Variants in CDH18 observed in about 807,000 individuals in gnomAD.
CDH18 encodes cadherin 18.
CDH18 carries 31 observed loss-of-function variants against 67.9 expected under a neutral mutation model. The observed-to-expected ratio is 0.46, with a 90% CI of 0.34 to 0.62. The LOEUF (loss-of-function observed/expected upper bound fraction) is 0.62, where lower values mean the gene tolerates loss of function less well. Ranked by LOEUF, CDH18 falls within the 20% of genes least tolerant of loss-of-function variation. CDH18 has a pLI of 0.01. For synonymous variants in CDH18, 362 were observed against 347.2 expected, an observed-to-expected ratio of 1.04 and a Z score of -0.48; for missense variants, 890 against 975.5, an observed-to-expected ratio of 0.91 and a Z score of 1.17.
chr5:19,669,017 A>G (rs981933725), intron 5 of CDH18, among the ~76,000 whole-genome samples: 15 of 150,194 alleles, frequency 1.0e-4, no homozygotes, highest in South Asian at 2.1e-4. Flanking sequence ...TTCAACACAC[A>G]CTCTGTGTCT....
chr5:20,142,736 A>G (rs999255795), intron 2 of CDH18, among the ~76,000 whole-genome samples: 1 of 152,158 alleles, frequency 6.6e-6, no homozygotes, highest in Non-Finnish European at 1.5e-5. Context: ...AGGAACACCA[A>G]AGATTTCTGA....
rs70954640 is a variant in CDH18, at chr5:20,172,190, GTATATA to G, written c.-518+83248_-518+83253del. 2.6e-3 allele frequency among the ~76,000 whole-genome samples: 60 copies of G among 23,322 alleles called. 3 individuals carry two copies. The highest frequency in any genetic ancestry group is 7.7e-3 in the South Asian group (4 of 520). 15.3% of individuals were successfully genotyped at this position (23,322 alleles called of 152,430 possible). A position where few individuals can be genotyped will look rare whatever the true frequency, so the allele number is the denominator to read the frequency against. ...AACTTTGATATCAATAGCATTGTGT[GTATATA>G]TATATATATATATATATATATATAT... On this transcript the variant is annotated intron_variant, in intron 2 of 14. Transcript: ENST00000507958.
intron 3 of CDH18, among the ~76,000 whole-genome samples, chr5:19,813,158 G>A (rs1468133420): frequency 1.3e-5 from 2 of 152,070 alleles, no homozygotes; most frequent in African/African-American, 4.8e-5. Context: ...GGGACTGGGG[G>A]AGTGATAGCA....
At chr5:20,021,719 A>T (rs1336901505) in intron 2 of CDH18, among the ~76,000 whole-genome samples, 1 of 152,214 alleles carries the variant, frequency 6.6e-6, no homozygotes, top group Non-Finnish European at 1.5e-5. Context: ...CTTTCTGTAC[A>T]GCCTGTGAAA....
intron 1 of CDH18, among the ~76,000 whole-genome samples, chr5:20,523,346 T>C (rs1285202038): frequency 2.0e-5 from 3 of 152,268 alleles, no homozygotes; most frequent in South Asian, 4.1e-4. Context: ...CTTTCGGGCA[T>C]TGCTTTCCCT....
At chr5:20,051,974 C>T (rs771079632) in intron 2 of CDH18, among the ~76,000 whole-genome samples, 6 of 151,988 alleles carry the variant, frequency 3.9e-5, no homozygotes, top group Non-Finnish European at 7.4e-5. Flanking sequence ...GCACAAATAC[C>T]TCTCTCACTT....
At chr5:19,567,987 T>C (rs1740728195) in intron 8 of CDH18, among the ~76,000 whole-genome samples, 1 of 152,214 alleles carries the variant, frequency 6.6e-6, no homozygotes, top group Non-Finnish European at 1.5e-5. Context: ...GATTTGTATA[T>C]ATAGACACCT....
intron 1 of CDH18, among the ~76,000 whole-genome samples, chr5:20,468,629 C>T (rs1751834144): frequency 6.6e-6 from 1 of 152,160 alleles, no homozygotes; most frequent in South Asian, 2.1e-4. Context: ...AAAGTATTTT[C>T]TAGCAACCTT....
chr5:19,911,197 T>C (rs1323195327), intron 2 of CDH18, among the ~76,000 whole-genome samples: 1 of 152,130 alleles, frequency 6.6e-6, no homozygotes, highest in East Asian at 1.9e-4. Context: ...CTCCTCTCCC[T>C]GAACAGTGAG....
At position 19,643,133 on chromosome 5, in the gene CDH18, A is replaced by G. The variant is rs140561096; in HGVS notation, c.644-30532T>C. On this transcript the variant is annotated intron_variant, in intron 5 of 12. Coordinates refer to ENST00000382275, the MANE Select transcript of CDH18 (RefSeq NM_004934.5). ...AAATGAAAATCAAGACCACAAAGAG[A>G]TATTACTTTAGCCCTCTTAGAATGG... Among the ~76,000 whole-genome samples, 221 of 152,210 alleles carry G rather than the reference A, an allele frequency of 1.5e-3. 2 individuals are homozygous for G. In the East Asian group the frequency reaches 0.022, roughly 15 times the overall value.
chr5:20,478,146 G>A (rs910327596), intron 1 of CDH18, among the ~76,000 whole-genome samples: 3 of 152,196 alleles, frequency 2.0e-5, no homozygotes, highest in African/African-American at 7.2e-5. Context: ...CCAGGGATGT[G>A]CTGGCATCAG....
intron 1 of CDH18, among the ~76,000 whole-genome samples, chr5:20,537,668 C>G (rs2126575712): frequency 6.6e-6 from 1 of 152,154 alleles, no homozygotes; most frequent in African/African-American, 2.4e-5. Context: ...TATTCAAACA[C>G]TGAACAGCTA....
chr5:20,218,224 C>A (rs1336604653), intron 2 of CDH18, among the ~76,000 whole-genome samples: 2 of 151,906 alleles, frequency 1.3e-5, no homozygotes, highest in Non-Finnish European at 2.9e-5. Flanking sequence ...ACATTCTTCT[C>A]CTAGGCACAT....
intron 1 of CDH18, among the ~76,000 whole-genome samples, chr5:20,334,384 G>A (rs1014572623): frequency 1.2e-4 from 18 of 151,464 alleles, no homozygotes; most frequent in Admixed American, 7.9e-4. Context: ...TGATCCGCCC[G>A]CCTCGGCCTC....
chr5:20,244,894 T>G (rs573091453), intron 2 of CDH18, among the ~76,000 whole-genome samples: 1 of 152,258 alleles, frequency 6.6e-6, no homozygotes, highest in East Asian at 1.9e-4. Context: ...ATATCTAGTT[T>G]GTCTTTTCTT....
intron 11 of CDH18, among the ~76,000 whole-genome samples, chr5:19,499,435 A>G (rs1450618714): frequency 6.6e-6 from 1 of 152,062 alleles, no homozygotes; most frequent in Non-Finnish European, 1.5e-5. Context: ...TATAATTAAA[A>G]TTAAAATTTC....
rs182757914 is a variant in CDH18, at chr5:19,708,673, G to A, written c.643+12674C>T. Among the ~76,000 whole-genome samples, 20 of 152,304 alleles carry A rather than the reference G, an allele frequency of 1.3e-4. No individual in the cohort carries two copies. In the East Asian group the frequency reaches 2.9e-3, roughly 22 times the overall value. On this transcript the variant is annotated intron_variant, in intron 5 of 12. Coordinates refer to ENST00000382275, the MANE Select transcript of CDH18 (RefSeq NM_004934.5). ...CTGAACCACAAACAATAGCATGAGCGATCTGTGCCTTAAGAACATGTTCCT... is the reference window on the plus strand; with the variant it reads ...CTGAACCACAAACAATAGCATGAGCAATCTGTGCCTTAAGAACATGTTCCT...
intron 11 of CDH18, among the ~76,000 whole-genome samples, chr5:19,484,706 T>C (rs1376182293): frequency 2.0e-5 from 3 of 152,198 alleles, no homozygotes; most frequent in Non-Finnish European, 4.4e-5. Context: ...GCTCCAGAGC[T>C]TTTCCATAGG....
chr5:20,217,676 C>T (rs544870532), intron 2 of CDH18, among the ~76,000 whole-genome samples: 24 of 151,474 alleles, frequency 1.6e-4, no homozygotes, highest in African/African-American at 5.8e-4. Context: ...TAATTATTAT[C>T]AATAATACCA....
Sources: allele counts gnomAD v4.1 joint callset (sites outside exome capture counted in the v4.1 genomes callset), GRCh38; gene constraint gnomAD v4.1.1; transcripts MANE v1.5; gene names NCBI Gene and HGNC (gene_info 2026-07-23, HGNC 2026-07-21).